COL4A3: variants seen among roughly 807,000 people sequenced by gnomAD.
COL4A3 encodes collagen alpha-3(IV) chain.
COL4A3 carries 135 observed loss-of-function variants against 217.4 expected under a neutral mutation model. That is an observed-to-expected ratio of 0.62 (90% CI 0.54 to 0.72). The LOEUF (loss-of-function observed/expected upper bound fraction) is 0.72, where lower values mean the gene tolerates loss of function less well. Ranked by LOEUF, COL4A3 falls within the 30% of genes least tolerant of loss-of-function variation. The pLI is 0.00. For synonymous variants in COL4A3, 690 were observed against 736.3 expected (o/e 0.94, Z 1.02); for missense variants, 1,868 against 2,119.9 (o/e 0.88, Z 2.33).
intron 1 of COL4A3, among the ~76,000 whole-genome samples, chr2:227,237,419 C>CA (rs973932745): frequency 2.0e-5 from 3 of 152,040 alleles, no homozygotes; most frequent in East Asian, 1.9e-4. Context: ...AAAGTAATGG[C>CA]AAAAAAATTG....
intron 3 of COL4A3, among the ~76,000 whole-genome samples, chr2:227,243,581 T>C (rs2069149821): frequency 6.6e-6 from 1 of 152,232 alleles, no homozygotes. Flanking sequence ...CAGAGGATTC[T>C]GTAACAACCC....
At chr2:227,202,862 CATATATGTGTATAT>C in intron 1 of COL4A3, among the ~76,000 whole-genome samples, 1 of 17,210 alleles carries the variant, frequency 5.8e-5, no homozygotes, top group Admixed American at 7.2e-4. Flanking sequence ...TGTATATATA[CATATATGTGTATAT>C]ATACATATGT....
Position 227,276,480 on chromosome 2 carries a change from A to G in COL4A3, c.2020+3A>G, listed in dbSNP as rs764248692. ...TCCTGGCCCCCAAGGTCCACCTGGT[A>G]AGTATCCTCTGCCAAATCTGGTACA... On this transcript the variant is annotated splice_donor_region_variant and intron_variant, in intron 27 of 51. Coordinates refer to ENST00000396578, the MANE Select transcript of COL4A3 (RefSeq NM_000091.5). 1.6e-5 allele frequency: 26 copies of G among 1,610,996 alleles called. No homozygotes were observed. Among genetic ancestry groups the G allele is most frequent in the Non-Finnish European group, 8.5e-7 (1 of 1,177,256 alleles).
At chr2:227,297,081 C>T (rs530906008) in intron 41 of COL4A3, among the ~76,000 whole-genome samples, 119 of 152,310 alleles carry the variant, frequency 7.8e-4, no homozygotes, top group African/African-American at 2.8e-3. Flanking sequence ...TCCAAACCTC[C>T]TGCCACTAGT....
chr2:227,173,978 A>T (rs778872027), intron 1 of COL4A3, among the ~76,000 whole-genome samples: 7 of 152,194 alleles, frequency 4.6e-5, no homozygotes, highest in Non-Finnish European at 7.3e-5. Context: ...ACAATCCATC[A>T]TGTCATTCTG....
intron 1 of COL4A3, among the ~76,000 whole-genome samples, chr2:227,212,282 T>C (rs950070411): frequency 5.9e-5 from 9 of 152,168 alleles, no homozygotes; most frequent in Non-Finnish European, 1.3e-4. Context: ...AATTTTAATA[T>C]AGTAGAATTT....
chr2:227,308,903 T>C lies in COL4A3; in HGVS notation c.4467T>C (p.Thr1489=), dbSNP rs777316007. 2 of 1,613,826 alleles carry C rather than the reference T, an allele frequency of 1.2e-6. No homozygotes were observed. The highest frequency in any genetic ancestry group is 2.7e-5 in the African/African-American group (2 of 74,950). ...NQRAHGQDLG[T]LGSCLQRFTT... ...CTCAGTCTGATGTTTCATTAGGAAC[T>C]CTTGGCAGCTGCCTGCAGCGATTTA... Residue 1489 remains threonine (T), a synonymous_variant, in exon 49 of 52, where the codon ACT becomes ACC. Transcript: ENST00000396578.
intron 2 of COL4A3, 47 bp from the exon 3 acceptor site, chr2:227,240,096 G>C (rs748641419): frequency 2.8e-6 from 4 of 1,419,558 alleles, no homozygotes; most frequent in Non-Finnish European, 3.9e-6. Context: ...TTTATTGTGG[G>C]ATAGTTGCTG....
At chr2:227,256,957 C>G (rs1429583365) in intron 17 of COL4A3, among the ~76,000 whole-genome samples, 1 of 152,178 alleles carries the variant, frequency 6.6e-6, no homozygotes, top group Non-Finnish European at 1.5e-5. Context: ...GACTGTTGCT[C>G]CTGGACTACA....
At chr2:227,225,056 C>T (rs2068011672) in intron 1 of COL4A3, among the ~76,000 whole-genome samples, 1 of 152,156 alleles carries the variant, frequency 6.6e-6, no homozygotes, top group African/African-American at 2.4e-5. Flanking sequence ...GAACTACAGG[C>T]TTGCGCCACC....
At chr2:227,227,720 T>C (rs1027730779) in intron 1 of COL4A3, 1 of 152,058 alleles carries the variant, frequency 6.6e-6, no homozygotes, top group African/African-American at 2.4e-5. Context: ...TGTTGTAAGA[T>C]ATAATGAGAT....
intron 43 of COL4A3, among the ~76,000 whole-genome samples, chr2:227,299,057 C>A (rs1380692492): frequency 6.6e-6 from 1 of 152,094 alleles, no homozygotes; most frequent in Non-Finnish European, 1.5e-5. Context: ...CACACTGCAA[C>A]AGGAGAGAGA....
chr2:227,239,676 TAAAG>T (rs1310053706), intron 2 of COL4A3, among the ~76,000 whole-genome samples: 1 of 152,210 alleles, frequency 6.6e-6, no homozygotes, highest in Non-Finnish European at 1.5e-5. Context: ...TCCTGTGTAT[TAAAG>T]AAAGGGCTCA....
chr2:227,172,789 G>A (rs966833237), intron 1 of COL4A3, among the ~76,000 whole-genome samples: 28 of 151,954 alleles, frequency 1.8e-4, no homozygotes, highest in African/African-American at 6.8e-4. Context: ...GTTTCACCAT[G>A]TTGGCCAGGC....
chr2:227,289,955 G>A, intron 35 of COL4A3, 44 bp from the exon 36 acceptor site: 1 of 1,570,054 alleles, frequency 6.4e-7, no homozygotes, highest in Non-Finnish European at 8.8e-7. Context: ...CACATACTAT[G>A]TCCAGGAACT....
chr2:227,278,904 T>A (rs76281034), intron 28 of COL4A3, among the ~76,000 whole-genome samples: 9,042 of 152,204 alleles, frequency 0.059, 671 homozygotes, highest in African/African-American at 0.17. Flanking sequence ...CGTGGCTTCC[T>A]CTTCTGAACC....
intron 37 of COL4A3, among the ~76,000 whole-genome samples, chr2:227,291,580 CAAAAAAAAAAAACAAA>C (rs1242409390): frequency 9.5e-5 from 3 of 31,642 alleles, no homozygotes; most frequent in South Asian, 1.4e-3. Context: ...AAAAAAAAAA[CAAAAAAAAAAAACAAA>C]AAAAAAAACA....
chr2:227,263,247 A>G (rs79938501), intron 20 of COL4A3, among the ~76,000 whole-genome samples: 4,922 of 152,304 alleles, frequency 0.032, 254 homozygotes, highest in African/African-American at 0.11. Context: ...TTTGTGGGAC[A>G]GAGATTTGAG....
intron 25 of COL4A3, among the ~76,000 whole-genome samples, chr2:227,272,239 C>G (rs536298838): frequency 6.6e-6 from 1 of 152,216 alleles, no homozygotes; most frequent in East Asian, 1.9e-4. Context: ...ACTGATTTTT[C>G]TTTATAAGTT....
Sources: allele counts gnomAD v4.1 joint callset (sites outside exome capture counted in the v4.1 genomes callset), GRCh38; gene constraint gnomAD v4.1.1; transcripts MANE v1.5; gene names NCBI Gene and HGNC (gene_info 2026-07-23, HGNC 2026-07-21).